TMEM71: variants seen among roughly 807,000 people sequenced by gnomAD.
TMEM71 encodes the protein transmembrane protein 71.
In TMEM71, 44 loss-of-function variants were observed where a neutral mutation model predicts 38.0. That is an observed-to-expected ratio of 1.16 (90% CI 0.91 to 1.49). The LOEUF (loss-of-function observed/expected upper bound fraction) is 1.49. TMEM71 is among the 40% of genes most tolerant of loss of function. The pLI, the probability that TMEM71 is intolerant of heterozygous loss-of-function variation, is 0.00. For missense variants in TMEM71, 367 were observed against 348.6 expected, an observed-to-expected ratio of 1.05 and a Z score of -0.42; for synonymous variants, 133 against 122.5, an observed-to-expected ratio of 1.09 and a Z score of -0.56.
intron 5 of TMEM71, among the ~76,000 whole-genome samples, chr8:132,729,091 G>C (rs1194698299): frequency 6.6e-6 from 1 of 152,164 alleles, no homozygotes; most frequent in Non-Finnish European, 1.5e-5. Flanking sequence ...CAAGTTTATT[G>C]CAAAAGCATG....
rs1826157616 is a variant in TMEM71 at position 132,709,972 on chromosome 8, G to C, written c.*995C>G. On this transcript the variant is annotated 3_prime_UTR_variant, in exon 10 of 10. Transcript: ENST00000677595. ...TGCTGATGACTTCACTTATTTATTA[G>C]TTTATTTTTTAACCAAAAATGTACT... is the stretch of plus-strand genomic sequence containing the variant. 1 of 151,726 alleles carries C rather than the reference G, an allele frequency of 6.6e-6. No individual in the cohort carries two copies. Among genetic ancestry groups the C allele is most frequent in the Admixed American group, 6.6e-5 (1 of 15,238 alleles). 9.4% of individuals were successfully genotyped at this position (151,726 alleles called of 1,614,324 possible).
At chr8:132,738,532 T>C (rs530399743) in intron 5 of TMEM71, among the ~76,000 whole-genome samples, 4 of 152,364 alleles carry the variant, frequency 2.6e-5, no homozygotes, top group South Asian at 2.1e-4. Flanking sequence ...CAATCCTCAA[T>C]TGTGCTACTG....
chr8:132,743,990 C>T (rs1828195840), intron 5 of TMEM71, among the ~76,000 whole-genome samples: 2 of 152,138 alleles, frequency 1.3e-5, no homozygotes, highest in Admixed American at 1.3e-4. Context: ...TCTTAAGTTT[C>T]CAAATGAGTC....
intron 5 of TMEM71, among the ~76,000 whole-genome samples, chr8:132,740,054 G>A (rs1394232972): frequency 1.3e-5 from 2 of 152,192 alleles, no homozygotes; most frequent in Admixed American, 1.3e-4. Flanking sequence ...ATTGAAACAA[G>A]TTATTCCTCA....
chr8:132,748,058 G>A (rs1828492436), intron 4 of TMEM71, among the ~76,000 whole-genome samples: 1 of 152,208 alleles, frequency 6.6e-6, no homozygotes, highest in Admixed American at 6.5e-5. Flanking sequence ...CAAGCCCTGT[G>A]CTGAGCACAC....
At position 132,730,868 on chromosome 8, in the gene TMEM71, G is replaced by GGT. The variant is rs574401942; in HGVS notation, c.488-2884_488-2883dup. 1.4e-4 allele frequency among the ~76,000 whole-genome samples: 22 copies of GGT among 152,078 alleles called. No homozygotes were observed. In the South Asian group the frequency reaches 3.9e-3, roughly 27 times the overall value. On this transcript the variant is annotated intron_variant, in intron 5 of 9. Transcript: ENST00000677595. ...TGTCCCAAAAGAAGTTGAAATCTAGGGTGTGTGTGTACATGTGTGCATGTG... is the reference window on the plus strand; with the variant it reads ...TGTCCCAAAAGAAGTTGAAATCTAGGGTGTGTGTGTGTACATGTGTGCATGTG...
upstream of TMEM71, among the ~76,000 whole-genome samples, chr8:132,765,358 C>T (rs903307677): frequency 1.3e-5 from 2 of 152,206 alleles, no homozygotes; most frequent in African/African-American, 4.8e-5. Context: ...CCCAAAGCTC[C>T]AGTCCCTGCA....
At chr8:132,738,848 A>C (rs1281878450) in intron 5 of TMEM71, among the ~76,000 whole-genome samples, 2 of 118,628 alleles carry the variant, frequency 1.7e-5, no homozygotes, top group Non-Finnish European at 3.6e-5. Context: ...AAACTAATCT[A>C]GTATTACATG....
chr8:132,715,561 C>A (rs376174844), intron 7 of TMEM71, among the ~76,000 whole-genome samples: 11 of 152,174 alleles, frequency 7.2e-5, no homozygotes, highest in South Asian at 2.1e-4. Flanking sequence ...ACCATATAAC[C>A]CAACAGTTGC....
chr8:132,771,398 G>C, the TMEM71 span, among the ~76,000 whole-genome samples: 3 of 152,052 alleles, frequency 2.0e-5, no homozygotes, highest in African/African-American at 7.2e-5. Flanking sequence ...TGCTGAAATA[G>C]ACATACATAT....
intron 5 of TMEM71, 49 bp from the exon 6 acceptor site, chr8:132,728,035 TG>T: frequency 1.4e-6 from 2 of 1,407,920 alleles, no homozygotes; most frequent in Non-Finnish European, 2.0e-6. Flanking sequence ...TGTGTGTGTG[TG>T]TGTGTGTGTG....
At chr8:132,772,697 G>C in the TMEM71 span, among the ~76,000 whole-genome samples, 1 of 151,856 alleles carries the variant, frequency 6.6e-6, no homozygotes, top group South Asian at 2.1e-4. Flanking sequence ...AAATCAATAT[G>C]ACTATGATAA....
chr8:132,706,660 TAA>T (rs1250067873), downstream of TMEM71, among the ~76,000 whole-genome samples: 1 of 152,232 alleles, frequency 6.6e-6, no homozygotes, highest in Admixed American at 6.5e-5. Flanking sequence ...TATTAAGAAA[TAA>T]ACTTTTTGTT....
At chr8:132,746,442 T>C (rs1429037304) in intron 5 of TMEM71, among the ~76,000 whole-genome samples, 6 of 17,018 alleles carry the variant, frequency 3.5e-4, no homozygotes, top group African/African-American at 7.3e-4. Context: ...TATATATACA[T>C]ATACATATAC....
chr8:132,715,048 A>G (rs1826430103), intron 7 of TMEM71, among the ~76,000 whole-genome samples: 1 of 152,208 alleles, frequency 6.6e-6, no homozygotes, highest in Non-Finnish European at 1.5e-5. Flanking sequence ...AAACCCAAAC[A>G]ACTGGCAATA....
intron 3 of TMEM71, among the ~76,000 whole-genome samples, chr8:132,752,258 A>G (rs992945760): frequency 1.3e-5 from 2 of 152,164 alleles, no homozygotes; most frequent in Non-Finnish European, 2.9e-5. Flanking sequence ...TCCTCACCAT[A>G]TGGTTAACCT....
At position 132,746,811 on chromosome 8, in the gene TMEM71, T is replaced by A. The variant is rs1828412800; in HGVS notation, c.487+131A>T. The stretch of plus-strand genomic sequence containing the variant: ...AATATAGAGAGAACTTTAAGTGAAT[T>A]TTAAAAATGTGGCCCATCTCTCCAT... On this transcript the variant is annotated intron_variant, in intron 5 of 9. Coordinates refer to ENST00000677595, the MANE Select transcript of TMEM71 (RefSeq NM_001382403.1). 5 of 664,460 alleles carry A rather than the reference T, an allele frequency of 7.5e-6. No individual in the cohort carries two copies. In the South Asian group the frequency reaches 1.7e-4, roughly 23 times the overall value. 41.2% of individuals were successfully genotyped at this position (664,460 alleles called of 1,614,324 possible).
Position 132,751,995 on chromosome 8 carries a change from A to G in TMEM71, c.104T>C (p.Phe35Ser), listed in dbSNP as rs1308758537. The G allele has an allele frequency of 1.9e-6, 3 of 1,613,922 alleles. No homozygotes were observed. Among genetic ancestry groups the G allele is most frequent in the Non-Finnish European group, 2.5e-6 (3 of 1,179,868 alleles). Residue 35 changes from phenylalanine to serine, a missense_variant and splice_region_variant, in exon 4 of 10, where the codon TTC (phenylalanine) becomes TCC (serine). Transcript: ENST00000677595. ...GTAACCATCCAGGGAATCACAGGTG[A>G]AACTAAGAAGGAAAAGATAACGCAC... ...ELSPTCIFPS[F>S]TCDSLDGYHS... is the part of the protein sequence containing the mutation.
upstream of TMEM71, among the ~76,000 whole-genome samples, chr8:132,765,274 G>T (rs971146653): frequency 2.0e-5 from 3 of 152,144 alleles, no homozygotes; most frequent in Non-Finnish European, 4.4e-5. Context: ...TTTTTGGAAG[G>T]TCCCCGAAAG....
Sources: gnomAD v4.1 joint callset for allele counts (sites outside exome capture counted in the v4.1 genomes callset) on GRCh38, gnomAD v4.1.1 for gene constraint, MANE v1.5 for transcripts, NCBI Gene and HGNC (gene_info 2026-07-23, HGNC 2026-07-21) for gene names.